Variants in PCDHGC3 observed in about 807,000 individuals in gnomAD.
The protein encoded by PCDHGC3 is protocadherin gamma-C3.
A neutral mutation model predicts 59.2 loss-of-function variants in PCDHGC3; 26 were observed. The observed-to-expected ratio is 0.44, with a 90% confidence interval of 0.32 to 0.61. The LOEUF (loss-of-function observed/expected upper bound fraction) is 0.61, where lower values mean the gene tolerates loss of function less well. Ranked by LOEUF, PCDHGC3 falls within the 20% of genes least tolerant of loss-of-function variation. The probability of loss-of-function intolerance (pLI) is 0.05; values close to 1 mark genes in which losing one functional copy is unlikely to be tolerated. For synonymous variants in PCDHGC3, 487 were observed against 519.7 expected (o/e 0.94, Z 0.86); for missense variants, 1,080 against 1,221.8 (o/e 0.88, Z 1.73).
At chr5:141,500,192 A>T (rs865941565) in intron 2 of PCDHGC3, among the ~76,000 whole-genome samples, 1 of 110,142 alleles carries the variant, frequency 9.1e-6, no homozygotes, top group Non-Finnish European at 2.0e-5. Context: ...ATTTTTATTT[A>T]TTTATTTATT....
At chr5:141,508,193 C>T (rs1426786164) in intron 3 of PCDHGC3, 1 of 152,326 alleles carries the variant, frequency 6.6e-6, no homozygotes, top group Non-Finnish European at 1.5e-5. Flanking sequence ...ATCACCCCCA[C>T]CTCGTCCAGG....
rs760572189 is a variant in PCDHGC3 at position 141,477,159 on chromosome 5, A to G, written c.1043A>G (p.Asn348Ser). ...VLVEVVDVND[N>S]APEITVTSVY... is the part of the protein sequence containing the mutation. ...GTGGAGGTTGTGGATGTGAATGACA[A>G]CGCCCCGGAGATCACAGTCACCTCC... is the stretch of plus-strand genomic sequence containing the variant. Residue 348 changes from asparagine to serine, a missense_variant, in exon 1 of 4, where the codon AAC becomes AGC. By Grantham distance (46) the Asn-to-Ser change is conservative (BLOSUM62 1). Transcript: ENST00000308177. The surrounding 1 kb of genome is among the most constrained non-coding windows in gnomAD (Gnocchi z 4.9). The G allele has an allele frequency of 1.7e-5, 28 of 1,613,854 alleles. No individual in the cohort carries two copies. In the South Asian group the frequency reaches 3.1e-4, roughly 18 times the overall value.
In PCDHGC3 at chr5:141,482,773, C is replaced by A. The variant is rs2009076; in HGVS notation, c.2430+4227C>A. ...ATTATGGTATTTCATTATCACTGAA[C>A]CTTAAACTGTGTGTGTGGCCGGGTA... On this transcript the variant is annotated intron_variant, in intron 1 of 3. Coordinates refer to ENST00000308177, the MANE Select transcript of PCDHGC3 (RefSeq NM_002588.4). 9.1e-3 allele frequency among the ~76,000 whole-genome samples: 1,158 copies of A among 127,768 alleles called. 29 individuals carry two copies. Among genetic ancestry groups the A allele is most frequent in the Middle Eastern group, 0.013 (3 of 228 alleles). 83.8% of individuals were successfully genotyped at this position (127,768 alleles called of 152,430 possible). A position where few individuals can be genotyped will look rare whatever the true frequency, so the allele number is the denominator to read the frequency against.
Position 141,477,964 on chromosome 5 carries a change from G to T in PCDHGC3, c.1848G>T (p.Gln616His), listed in dbSNP as rs2099426491. The change falls in exon 1 of 4, where the codon CAG becomes CAT. Residue 616 changes from glutamine to histidine, a missense_variant. By Grantham distance (24) the Gln-to-His change is conservative. Coordinates refer to ENST00000308177, the MANE Select transcript of PCDHGC3 (RefSeq NM_002588.4). The surrounding 1 kb of genome is among the most constrained non-coding windows in gnomAD (Gnocchi z 4.9). Reference sequence around the variant, plus strand: ...ACAGTCTCTTGGGATCCCCTAACCAGAGCCTTTTTGCCATAGGGCTGCACA... The same window carrying T: ...ACAGTCTCTTGGGATCCCCTAACCATAGCCTTTTTGCCATAGGGCTGCACA... ...LSYSLLGSPN[Q>H]SLFAIGLHTG... 6.2e-7 allele frequency: 1 copy of T among 1,613,978 alleles called. No homozygotes were observed. The highest frequency in any genetic ancestry group is 1.1e-5 in the South Asian group (1 of 91,080).
At chr5:141,497,839 A>G (rs1399696596) in intron 2 of PCDHGC3, among the ~76,000 whole-genome samples, 1 of 152,044 alleles carries the variant, frequency 6.6e-6, no homozygotes, top group East Asian at 1.9e-4. Flanking sequence ...CCCGGCCACA[A>G]CAAACATTTT....
In PCDHGC3 at chr5:141,511,532, T is replaced by G. The variant is rs548369303; in HGVS notation, c.*359T>G. Reference sequence around the variant, plus strand: ...GCCCATCCATCCCATGCCTCCCTCCTCCCCACCCCACTCCAACAGTTCCTC... The same window carrying G: ...GCCCATCCATCCCATGCCTCCCTCCGCCCCACCCCACTCCAACAGTTCCTC... On this transcript the variant is annotated 3_prime_UTR_variant, in exon 4 of 4. Transcript: ENST00000308177. 3.6e-5 allele frequency: 12 copies of G among 335,506 alleles called. No homozygotes were observed. In the East Asian group the frequency reaches 8.0e-4, roughly 22 times the overall value. The allele number at this position is 335,506 out of a possible 1,614,324, so 20.8% of individuals were successfully genotyped here. A position where few individuals can be genotyped will look rare whatever the true frequency, so the allele number is the denominator to read the frequency against.
Position 141,487,501 on chromosome 5 carries a change from T to A in PCDHGC3, c.2431-7306T>A. 1 of 1,614,232 alleles carries A rather than the reference T, an allele frequency of 6.2e-7. No individual in the cohort carries two copies. Among genetic ancestry groups the A allele is most frequent in the Non-Finnish European group, 8.5e-7 (1 of 1,180,036 alleles). On this transcript the variant is annotated intron_variant, in intron 1 of 3. Transcript: ENST00000308177. This position sits in a 1 kb window ranked among gnomAD's most constrained non-coding sequence, Gnocchi z 5.0. ...ACTCTCATGGCTGTACACCCTTGGC[T>A]TCTGCACCCACTCGGAGTGATAGCT...
At position 141,477,100 on chromosome 5, in the gene PCDHGC3, C is replaced by A. The variant is rs970613825; in HGVS notation, c.984C>A (p.Gly328=). The change falls in exon 1 of 4, where the codon GGC becomes GGA. Residue 328 remains glycine, a synonymous_variant. Transcript: ENST00000308177. This position sits in a 1 kb window ranked among gnomAD's most constrained non-coding sequence, Gnocchi z 4.9. ...HEIYIQAKDK[G]ANPEGAHCKV... ...TTTACATCCAGGCCAAAGACAAGGGCGCCAATCCCGAAGGAGCACATTGCA... is the reference window on the plus strand; with the variant it reads ...TTTACATCCAGGCCAAAGACAAGGGAGCCAATCCCGAAGGAGCACATTGCA... 1 of 1,614,216 alleles carries A rather than the reference C, an allele frequency of 6.2e-7. No homozygotes were observed. Among genetic ancestry groups the A allele is most frequent in the Non-Finnish European group, 8.5e-7 (1 of 1,180,040 alleles).
Position 141,477,209 on chromosome 5 carries a change from GC to G in PCDHGC3, c.1097del (p.Pro366LeufsTer11). On this transcript the variant is annotated frameshift_variant, in exon 1 of 4. Transcript: ENST00000308177. LOFTEE classifies it high-confidence loss of function. The surrounding 1 kb of genome is among the most constrained non-coding windows in gnomAD (Gnocchi z 4.9). ...TSVYSPVPED[A>X]PLGTVIALLS... is the part of the protein sequence containing the mutation. Reference sequence around the variant, plus strand: ...CGTGTACAGCCCAGTACCCGAGGATGCCCCTCTGGGGACTGTCATCGCTTTG... The same window carrying G: ...CGTGTACAGCCCAGTACCCGAGGATGCCCTCTGGGGACTGTCATCGCTTTG... The G allele has an allele frequency of 6.2e-7, 1 of 1,614,194 alleles. No homozygotes were observed. Among genetic ancestry groups the G allele is most frequent in the Non-Finnish European group, 8.5e-7 (1 of 1,180,038 alleles).
At chr5:141,507,852 T>C (rs556569001) in intron 3 of PCDHGC3, among the ~76,000 whole-genome samples, 25 of 152,118 alleles carry the variant, frequency 1.6e-4, no homozygotes, top group Non-Finnish European at 2.6e-4. Context: ...CTGCTCTCAC[T>C]TTCACACCCG....
At chr5:141,500,222 T>TGA (rs1355843194) in intron 2 of PCDHGC3, among the ~76,000 whole-genome samples, 1 of 146,758 alleles carries the variant, frequency 6.8e-6, no homozygotes, top group Non-Finnish European at 1.5e-5. Flanking sequence ...ATTTATTTAT[T>TGA]TATTGATACG....
At chr5:141,503,981 C>T (rs774655880) in intron 2 of PCDHGC3, among the ~76,000 whole-genome samples, 4 of 152,300 alleles carry the variant, frequency 2.6e-5, no homozygotes, top group East Asian at 1.9e-4. Flanking sequence ...CCAAACCCTT[C>T]TTCTTACCTT....
chr5:141,501,335 C>CA (rs2099808433), intron 2 of PCDHGC3, among the ~76,000 whole-genome samples: 1 of 135,634 alleles, frequency 7.4e-6, no homozygotes, highest in Non-Finnish European at 1.6e-5. Context: ...ACACACACAC[C>CA]CCAAACTCAA....
chr5:141,492,111 C>T (rs2154587044), intron 1 of PCDHGC3, among the ~76,000 whole-genome samples: 1 of 152,320 alleles, frequency 6.6e-6, no homozygotes, highest in South Asian at 2.1e-4. Context: ...ATTTCCTCTT[C>T]GATTTCTCCC....
At chr5:141,478,924 T>C (rs1213046748) in intron 1 of PCDHGC3, 10 of 704,004 alleles carry the variant, frequency 1.4e-5, no homozygotes. Context: ...CTCTAACCAG[T>C]GGCAGCTTCT....
At chr5:141,484,501 A>G (rs1185523120) in intron 1 of PCDHGC3, among the ~76,000 whole-genome samples, 2 of 152,232 alleles carry the variant, frequency 1.3e-5, no homozygotes, top group African/African-American at 4.8e-5. Flanking sequence ...GTTTCTGAAT[A>G]TTCTGCAGAA....
rs1021096537 is a variant in PCDHGC3, at chr5:141,511,383, T to C, written c.*210T>C. 2 of 1,155,330 alleles carry C rather than the reference T, an allele frequency of 1.7e-6. No homozygotes were observed. Among genetic ancestry groups the C allele is most frequent in the Non-Finnish European group, 2.4e-6 (2 of 841,000 alleles). The allele number at this position is 1,155,330 out of a possible 1,614,324, so 71.6% of individuals were successfully genotyped here. ...GTTGAATATGCAAAAGCAGTTCCGC[T>C]GGGAACCCCCATCCAATCAACTGCT... is the stretch of plus-strand genomic sequence containing the variant. On this transcript the variant is annotated 3_prime_UTR_variant, in exon 4 of 4. Transcript: ENST00000308177.
chr5:141,491,956 A>G lies in PCDHGC3; in HGVS notation c.2431-2851A>G, dbSNP rs2099735623. 1.9e-6 allele frequency: 2 copies of G among 1,035,704 alleles called. No homozygotes were observed. Among genetic ancestry groups the G allele is most frequent in the Non-Finnish European group, 2.7e-6 (2 of 749,368 alleles). The allele number at this position is 1,035,704 out of a possible 1,614,324, so 64.2% of individuals were successfully genotyped here. A position where few individuals can be genotyped will look rare whatever the true frequency, so the allele number is the denominator to read the frequency against. On this transcript the variant is annotated intron_variant, in intron 1 of 3. Transcript: ENST00000308177. This position sits in a 1 kb window ranked among gnomAD's most constrained non-coding sequence, Gnocchi z 6.9. Reference sequence around the variant, plus strand: ...GGACCGACCCCCACCCCTACACTCAAAAAAGGCCGGGGCCTCCTTCGAGCT... The same window carrying G: ...GGACCGACCCCCACCCCTACACTCAGAAAAGGCCGGGGCCTCCTTCGAGCT...
Position 141,485,138 on chromosome 5 carries a change from T to A in PCDHGC3, c.2430+6592T>A, listed in dbSNP as rs374309554. On this transcript the variant is annotated intron_variant, in intron 1 of 3. Coordinates refer to ENST00000308177, the MANE Select transcript of PCDHGC3 (RefSeq NM_002588.4). This position sits in a 1 kb window ranked among gnomAD's most constrained non-coding sequence, Gnocchi z 5.7. ...TTGGGGCGGGTCGGCTTCATCCGCG[T>A]CTCAGGAGCAAGTAGAGAATTAGCG... is the stretch of plus-strand genomic sequence containing the variant. 17 of 1,528,690 alleles carry A rather than the reference T, an allele frequency of 1.1e-5. No individual in the cohort carries two copies. The highest frequency in any genetic ancestry group is 1.3e-5 in the Non-Finnish European group (14 of 1,109,458). 94.7% of individuals were successfully genotyped at this position (1,528,690 alleles called of 1,614,324 possible).
Sources: gnomAD v4.1 joint callset for allele counts (sites outside exome capture counted in the v4.1 genomes callset) on GRCh38, gnomAD v4.1.1 for gene constraint, Gnocchi (gnomAD v3.1) non-coding constraint, MANE v1.5 for transcripts, NCBI Gene and HGNC (gene_info 2026-07-23, HGNC 2026-07-21) for gene names.